ELMOD2: variants seen among roughly 807,000 people sequenced by gnomAD.
ELMOD2 encodes ELMO domain-containing protein 2.
In ELMOD2, 28 loss-of-function variants were observed where a neutral mutation model predicts 41.0. That is an observed-to-expected ratio of 0.68 (90% CI 0.51 to 0.94). ELMOD2 has a LOEUF of 0.94. Among genes scored for constraint, ELMOD2 ranks in the 40% least tolerant of loss-of-function variants. The pLI, the probability that ELMOD2 is intolerant of heterozygous loss-of-function variation, is 0.00. For missense variants in ELMOD2, 333 were observed against 343.1 expected (o/e 0.97, Z 0.23); for synonymous variants, 106 against 107.2 (o/e 0.99, Z 0.07).
chr4:140,532,917 T>C (rs921470784), intron 3 of ELMOD2, among the ~76,000 whole-genome samples: 1 of 152,182 alleles, frequency 6.6e-6, no homozygotes, highest in African/African-American at 2.4e-5. Flanking sequence ...AATTTAATAG[T>C]GTTACAGGAC....
intron 8 of ELMOD2, among the ~76,000 whole-genome samples, chr4:140,546,640 C>T (rs546676679): frequency 2.7e-4 from 41 of 150,858 alleles, no homozygotes; most frequent in Non-Finnish European, 5.3e-4. Flanking sequence ...GAAAACTCCC[C>T]AAACAATTAA....
chr4:140,551,515 C>T lies in ELMOD2; in HGVS notation c.*1140C>T, dbSNP rs966845339. ...TCAGGAGGGCAGCAAGTGCTGTCAA[C>T]GATTATATAGTGATGAGATTTTTAT... On this transcript the variant is annotated 3_prime_UTR_variant, in exon 9 of 9. Coordinates refer to ENST00000323570, the MANE Select transcript of ELMOD2 (RefSeq NM_153702.4). The T allele has an allele frequency of 6.6e-6, 1 of 151,964 alleles. No homozygotes were observed. Among genetic ancestry groups the T allele is most frequent in the Non-Finnish European group, 1.5e-5 (1 of 67,938 alleles). The allele number at this position is 151,964 out of a possible 1,614,324, so 9.4% of individuals were successfully genotyped here.
At chr4:140,526,506 A>G (rs1382785317) in intron 2 of ELMOD2, 1 of 152,128 alleles carries the variant, frequency 6.6e-6, no homozygotes, top group Non-Finnish European at 1.5e-5. Flanking sequence ...TAAACGGAAA[A>G]TTGTGAATTA....
chr4:140,532,516 G>C (rs777611707), intron 3 of ELMOD2, among the ~76,000 whole-genome samples: 4 of 152,144 alleles, frequency 2.6e-5, no homozygotes, highest in Non-Finnish European at 5.9e-5. Flanking sequence ...CACATTAACA[G>C]AGTAAATCAG....
chr4:140,549,567 G>A (rs1735401513), intron 8 of ELMOD2, among the ~76,000 whole-genome samples: 1 of 151,262 alleles, frequency 6.6e-6, no homozygotes, highest in Non-Finnish European at 1.5e-5. Context: ...AATCGAGTAG[G>A]AAATAACTTT....
At chr4:140,526,664 G>T (rs1369478516) in intron 2 of ELMOD2, 1 of 152,170 alleles carries the variant, frequency 6.6e-6, no homozygotes, top group Non-Finnish European at 1.5e-5. Context: ...ATAGCAGCTG[G>T]TTGATTAAGT....
intron 1 of ELMOD2, chr4:140,524,579 C>T (rs965123152): frequency 1.0e-6 from 1 of 985,100 alleles, no homozygotes; most frequent in African/African-American, 1.7e-5. Flanking sequence ...TAATGATCAA[C>T]CCAGCTGTGC....
chr4:140,542,716 T>C, intron 7 of ELMOD2, 74 bp downstream of exon 7: 1 of 1,053,952 alleles, frequency 9.5e-7, no homozygotes, highest in Non-Finnish European at 1.4e-6. Context: ...AATTTGAAGG[T>C]ATATCAAGGT....
At chr4:140,525,702 C>G in intron 2 of ELMOD2, 132 bp downstream of exon 2, 1 of 901,522 alleles carries the variant, frequency 1.1e-6, no homozygotes, top group Non-Finnish European at 1.5e-6. Flanking sequence ...GCTCTGAAGT[C>G]CCGCTTTGAC....
chr4:140,533,646 A>G (rs1734820055), intron 3 of ELMOD2, among the ~76,000 whole-genome samples: 1 of 152,192 alleles, frequency 6.6e-6, no homozygotes, highest in Non-Finnish European at 1.5e-5. Context: ...AAAACTGCTT[A>G]TCAATGATAC....
chr4:140,542,550 G>T, intron 6 of ELMOD2, 24 bp from the exon 7 acceptor site: 1 of 1,545,098 alleles, frequency 6.5e-7, no homozygotes, highest in South Asian at 1.2e-5. Context: ...ACATTTGTTT[G>T]ATTATTTTTC....
chr4:140,537,560 T>C lies in ELMOD2; in HGVS notation c.399+19T>C, dbSNP rs1358505329. 3 of 1,596,802 alleles carry C rather than the reference T, an allele frequency of 1.9e-6. No homozygotes were observed. In the African/African-American group the frequency reaches 4.1e-5, roughly 22 times the overall value. On this transcript the variant is annotated intron_variant, in intron 5 of 8. Transcript: ENST00000323570. Reference sequence around the variant, plus strand: ...CATGAAGGTAAATTTCTGTTTTCTTTATGTGGAGTTGTTGAACGCTAGAAA... The same window carrying C: ...CATGAAGGTAAATTTCTGTTTTCTTCATGTGGAGTTGTTGAACGCTAGAAA...
chr4:140,525,563 CAGGAT>C lies in ELMOD2; in HGVS notation c.139_142+1del. 1 of 1,606,400 alleles carries C rather than the reference CAGGAT, an allele frequency of 6.2e-7. No homozygotes were observed. The highest frequency in any genetic ancestry group is 1.7e-5 in the Admixed American group (1 of 57,854). ...CCTATGTAGGTGCACAAAGGACACA[CAGGAT>C]AGGTAATGTTATTCAAAAAGAAAAA... On this transcript the variant is annotated frameshift_variant and splice_region_variant, in exon 2 of 9. Coordinates refer to ENST00000323570, the MANE Select transcript of ELMOD2 (RefSeq NM_153702.4). LOFTEE classifies it high-confidence loss of function.
chr4:140,543,658 TA>T (rs1735176745), intron 8 of ELMOD2, 72 bp downstream of exon 8: 1 of 1,154,730 alleles, frequency 8.7e-7, no homozygotes, highest in Admixed American at 3.1e-5. Flanking sequence ...GTATAATATA[TA>T]TTTTAATCTG....
chr4:140,539,523 T>C (rs996533718), intron 5 of ELMOD2, among the ~76,000 whole-genome samples: 1 of 152,080 alleles, frequency 6.6e-6, no homozygotes, highest in Non-Finnish European at 1.5e-5. Flanking sequence ...ATTTTTTGTA[T>C]TTTTAGTGGA....
In ELMOD2 at chr4:140,552,300, G is replaced by A. The variant is rs1210236500; in HGVS notation, c.*1925G>A. The A allele has an allele frequency of 6.6e-6, 1 of 151,976 alleles. No homozygotes were observed. The highest frequency in any genetic ancestry group is 1.5e-5 in the Non-Finnish European group (1 of 67,886). The allele number at this position is 151,976 out of a possible 1,614,324, so 9.4% of individuals were successfully genotyped here. ...AAGTAAGTTTTTTCCCTTCTAGGAA[G>A]AAAAACTATGATGATGTTAAGAAAA... is the stretch of plus-strand genomic sequence containing the variant. On this transcript the variant is annotated 3_prime_UTR_variant, in exon 9 of 9. Transcript: ENST00000323570.
intron 3 of ELMOD2, among the ~76,000 whole-genome samples, chr4:140,534,432 A>AG (rs75883881): frequency 6.6e-6 from 1 of 152,180 alleles, no homozygotes; most frequent in East Asian, 1.9e-4. Context: ...ACTTTCTGGG[A>AG]TGATAGAAAT....
Position 140,553,102 on chromosome 4 carries a change from T to C in ELMOD2, c.*2727T>C, listed in dbSNP as rs2110895217. 1 of 152,294 alleles carries C rather than the reference T, an allele frequency of 6.6e-6. No individual in the cohort carries two copies. Among genetic ancestry groups the C allele is most frequent in the East Asian group, 1.9e-4 (1 of 5,190 alleles). 9.4% of individuals were successfully genotyped at this position (152,294 alleles called of 1,614,324 possible). On this transcript the variant is annotated 3_prime_UTR_variant, in exon 9 of 9. Transcript: ENST00000323570. ...TGAAAATATATGTACTCTTCACTTT[T>C]GTTCCAGTACTATAATTGCTCATGC... is the stretch of plus-strand genomic sequence containing the variant.
chr4:140,542,482 T>G, intron 6 of ELMOD2, 92 bp from the exon 7 acceptor site: 1 of 886,810 alleles, frequency 1.1e-6, no homozygotes. Context: ...ATACTAGGAC[T>G]ATGATTTTGA....
Sources: allele counts gnomAD v4.1 joint callset (sites outside exome capture counted in the v4.1 genomes callset), GRCh38; gene constraint gnomAD v4.1.1; transcripts MANE v1.5; gene names NCBI Gene and HGNC (gene_info 2026-07-23, HGNC 2026-07-21).